The following MED13 variants were observed in gnomAD, a reference collection of about 807,000 sequenced individuals.
MED13 encodes the protein mediator of RNA polymerase II transcription subunit 13.
A neutral mutation model predicts 225.2 loss-of-function variants in MED13; 23 were observed. The observed-to-expected ratio is 0.10, with a 90% CI of 0.07 to 0.14. The LOEUF is 0.14. MED13 is among the 10% of genes least tolerant of loss of function. The pLI is 1.00. For missense variants in MED13, 2,197 were observed against 2,594.5 expected, an observed-to-expected ratio of 0.85 and a Z score of 3.33; for synonymous variants, 942 against 889.2, an observed-to-expected ratio of 1.06 and a Z score of -1.06.
intron 8 of MED13, among the ~76,000 whole-genome samples, chr17:62,027,831 T>C (rs1317456617): frequency 6.6e-6 from 1 of 152,174 alleles, no homozygotes; most frequent in Non-Finnish European, 1.5e-5. Context: ...ACATCACTGA[T>C]CATTAGAGAA....
chr17:61,946,647 A>G lies in MED13; in HGVS notation c.6393-47T>C, dbSNP rs778445658. On this transcript the variant is annotated intron_variant, in intron 29 of 29. Transcript: ENST00000397786. ...TAAGTCATTTATTTATTTCCAACCT[A>G]GATTTTGGAAGCAGTTTTCAATTAT... 30 of 1,596,666 alleles carry G rather than the reference A, an allele frequency of 1.9e-5. No homozygotes were observed. The African/African-American group carries it at 3.9e-4, about 21-fold the overall frequency.
rs990653711 is a variant in MED13, at chr17:61,946,836, A to G, written c.6392+81T>C. ...GTACACAACTGTAAATTCTTGCCAAAAATGAGAAAAATATATAAGAATCAA... is the reference window on the plus strand; with the variant it reads ...GTACACAACTGTAAATTCTTGCCAAGAATGAGAAAAATATATAAGAATCAA... On this transcript the variant is annotated intron_variant, in intron 29 of 29. Coordinates refer to ENST00000397786, the MANE Select transcript of MED13 (RefSeq NM_005121.3). 3.6e-6 allele frequency: 5 copies of G among 1,381,540 alleles called. No homozygotes were observed. The African/African-American group carries it at 7.2e-5, about 20-fold the overall frequency. The allele number at this position is 1,381,540 out of a possible 1,614,324, so 85.6% of individuals were successfully genotyped here.
intron 9 of MED13, among the ~76,000 whole-genome samples, chr17:62,000,645 A>T (rs1163184432): frequency 3.3e-5 from 5 of 152,196 alleles, no homozygotes; most frequent in African/African-American, 7.2e-5. Flanking sequence ...AGAGCTTCTC[A>T]TATCAGCCTA....
intron 11 of MED13, among the ~76,000 whole-genome samples, chr17:61,991,281 C>A (rs2080296291): frequency 6.6e-6 from 1 of 150,836 alleles, no homozygotes. Context: ...ACCACACATG[C>A]TTTATTTTTG....
chr17:62,046,905 G>A (rs1235319126), intron 3 of MED13, among the ~76,000 whole-genome samples: 2 of 151,590 alleles, frequency 1.3e-5, no homozygotes, highest in African/African-American at 4.8e-5. Flanking sequence ...GCCCAGGCTG[G>A]AGTACAACAG....
chr17:61,976,268 G>C (rs985250268), intron 16 of MED13, among the ~76,000 whole-genome samples: 1 of 152,130 alleles, frequency 6.6e-6, no homozygotes, highest in African/African-American at 2.4e-5. Flanking sequence ...GATGAACCTT[G>C]AAAACATTAT....
Position 61,986,062 on chromosome 17 carries a change from A to C in MED13, c.2385+945T>G, listed in dbSNP as rs1869582270. On this transcript the variant is annotated intron_variant, in intron 12 of 29. Coordinates refer to ENST00000397786, the MANE Select transcript of MED13 (RefSeq NM_005121.3). ...GTCTGTGATAAATATTAATATGTAG[A>C]CCACGTTCTGACTACAATCTTTTAT... is the stretch of plus-strand genomic sequence containing the variant. Among the ~76,000 whole-genome samples, 4 of 152,192 alleles carry C rather than the reference A, an allele frequency of 2.6e-5. No homozygotes were observed. In the South Asian group the frequency reaches 8.3e-4, roughly 31 times the overall value.
In MED13 at chr17:61,942,961, A is replaced by T. The variant is rs758749766; in HGVS notation, c.*3507T>A. 2.2e-4 allele frequency: 34 copies of T among 152,586 alleles called. No individual in the cohort carries two copies. The highest frequency in any genetic ancestry group is 1.6e-3 in the Admixed American group (24 of 15,272). 9.5% of individuals were successfully genotyped at this position (152,586 alleles called of 1,614,324 possible). A position where few individuals can be genotyped will look rare whatever the true frequency, so the allele number is the denominator to read the frequency against. ...ATCCAGTTTACTTTGAAAACTAAAG[A>T]TGTTTTAAAACTTCATGAATACATC... On this transcript the variant is annotated 3_prime_UTR_variant, in exon 30 of 30. Coordinates refer to ENST00000397786, the MANE Select transcript of MED13 (RefSeq NM_005121.3).
At chr17:61,961,930 G>T in intron 21 of MED13, 151 bp from the exon 22 acceptor site, 1 of 776,714 alleles carries the variant, frequency 1.3e-6, no homozygotes, top group Non-Finnish European at 2.0e-6. Context: ...TATCTATTAT[G>T]TAGGCTTTTA....
At chr17:61,987,262 C>T (rs1301622382) in intron 11 of MED13, 134 bp from the exon 12 acceptor site, 9 of 411,764 alleles carry the variant, frequency 2.2e-5, no homozygotes, top group Non-Finnish European at 3.5e-5. Context: ...TGGTGAAACC[C>T]CGTCTCTACT....
chr17:62,011,501 TG>T (rs1412874564), intron 8 of MED13, among the ~76,000 whole-genome samples: 1 of 152,222 alleles, frequency 6.6e-6, no homozygotes, highest in Non-Finnish European at 1.5e-5. Flanking sequence ...ATGTCTTACA[TG>T]ATTTAAATAT....
chr17:62,006,970 G>C (rs1451213498), intron 9 of MED13: 1 of 152,080 alleles, frequency 6.6e-6, no homozygotes, highest in Non-Finnish European at 1.5e-5. Context: ...AGTCGGGCGT[G>C]GTGGCTCATG....
chr17:61,964,979 T>A (rs2080042432), intron 20 of MED13, 27 bp downstream of exon 20: 1 of 1,581,334 alleles, frequency 6.3e-7, no homozygotes. Flanking sequence ...TTTATATTTC[T>A]GCAAAAATCA....
chr17:62,052,713 A>G lies in MED13; in HGVS notation c.302-8T>C, dbSNP rs1411204492. 3.2e-6 allele frequency: 5 copies of G among 1,551,598 alleles called. No homozygotes were observed. In the Admixed American group the frequency reaches 9.7e-5, roughly 30 times the overall value. On this transcript the variant is annotated splice_region_variant and splice_polypyrimidine_tract_variant and intron_variant, in intron 2 of 29. Coordinates refer to ENST00000397786, the MANE Select transcript of MED13 (RefSeq NM_005121.3). Reference sequence around the variant, plus strand: ...ACACTCCATCTTCTTCTTCTAAAAGAGAAATGAAGGAAATAATAAAATAGT... The same window carrying G: ...ACACTCCATCTTCTTCTTCTAAAAGGGAAATGAAGGAAATAATAAAATAGT...
intron 19 of MED13, 37 bp downstream of exon 19, chr17:61,966,425 T>C: frequency 6.6e-7 from 1 of 1,513,768 alleles, no homozygotes; most frequent in Non-Finnish European, 8.9e-7. Context: ...CACATTTTGC[T>C]AACACCAGCC....
intron 3 of MED13, among the ~76,000 whole-genome samples, chr17:62,050,295 T>A (rs1161758368): frequency 6.6e-6 from 1 of 150,826 alleles, no homozygotes; most frequent in Admixed American, 6.6e-5. Context: ...GAGGCAGAGG[T>A]TGCAGTGAGC....
intron 3 of MED13, among the ~76,000 whole-genome samples, chr17:62,041,062 T>C (rs906965536): frequency 1.3e-5 from 2 of 152,190 alleles, no homozygotes; most frequent in African/African-American, 4.8e-5. Flanking sequence ...AAGCAGGGAC[T>C]TGATGAGAGA....
intron 8 of MED13, among the ~76,000 whole-genome samples, chr17:62,020,792 A>T (rs1451002956): frequency 3.3e-5 from 5 of 151,348 alleles, no homozygotes; most frequent in Non-Finnish European, 7.4e-5. Context: ...CAGATAAACA[A>T]GTGAACAAAG....
intron 3 of MED13, among the ~76,000 whole-genome samples, chr17:62,047,088 C>T (rs1219568004): frequency 6.7e-6 from 1 of 150,268 alleles, no homozygotes; most frequent in Admixed American, 6.6e-5. Flanking sequence ...AGAATGAGTT[C>T]GGCTGGGCAT....
Sources: gnomAD v4.1 joint callset for allele counts (sites outside exome capture counted in the v4.1 genomes callset) on GRCh38, gnomAD v4.1.1 for gene constraint, MANE v1.5 for transcripts, NCBI Gene and HGNC (gene_info 2026-07-23, HGNC 2026-07-21) for gene names.